The following CSMD3 variants were observed in gnomAD, a reference collection of about 807,000 sequenced individuals.
The protein encoded by CSMD3 is CUB and Sushi multiple domains 3.
In CSMD3, 177 loss-of-function variants were observed where a neutral mutation model predicts 435.2. The ratio of observed to expected loss-of-function variants is 0.41; its 90% CI spans 0.36 to 0.46. The LOEUF (loss-of-function observed/expected upper bound fraction) is 0.46. CSMD3 is among the 20% of genes least tolerant of loss of function. CSMD3 has a pLI of 0.34. For synonymous variants in CSMD3, 1,656 were observed against 1,520.5 expected, an observed-to-expected ratio of 1.09 and a Z score of -2.07; for missense variants, 4,265 against 4,504.6, an observed-to-expected ratio of 0.95 and a Z score of 1.52.
chr8:113,034,846 T>C (rs2087271711), intron 5 of CSMD3, among the ~76,000 whole-genome samples: 1 of 152,058 alleles, frequency 6.6e-6, no homozygotes, highest in African/African-American at 2.4e-5. Flanking sequence ...GGTAGAATAT[T>C]ACATAATTAT....
Position 112,666,381 on chromosome 8 carries a change from T to C in CSMD3, c.2712A>G (p.Gly904=), listed in dbSNP as rs1295699674. Residue 904 remains glycine, a synonymous_variant, in exon 17 of 71, where the codon GGA becomes GGG. Transcript: ENST00000297405. The part of the protein sequence containing the change: ...PCGGHFSAPS[G]VILSPGWPGY... ...CTGGCCATCCTGGTGAGAGAATCAC[T>C]CCACTGGGAGCTGAAAAATGGCCAC... 2 of 1,612,510 alleles carry C rather than the reference T, an allele frequency of 1.2e-6. No homozygotes were observed. The highest frequency in any genetic ancestry group is 2.2e-5 in the East Asian group (1 of 44,802).
chr8:112,611,469 G>A (rs886697387), intron 22 of CSMD3, among the ~76,000 whole-genome samples: 4 of 152,026 alleles, frequency 2.6e-5, no homozygotes, highest in African/African-American at 4.8e-5. Context: ...CTTTAGAGAC[G>A]AGTAGTCCAA....
chr8:113,019,218 C>CTTTTCAGCTTTTTAAACG, intron 5 of CSMD3, 39 bp from the exon 6 acceptor site: 1 of 1,382,144 alleles, frequency 7.2e-7, no homozygotes, highest in Non-Finnish European at 1.0e-6. Context: ...ATTTAAAAAG[C>CTTTTCAGCTTTTTAAACG]TTTTCAGCAG....
intron 3 of CSMD3, among the ~76,000 whole-genome samples, chr8:113,223,788 A>G (rs1238379278): frequency 6.7e-6 from 1 of 148,956 alleles, no homozygotes; most frequent in Non-Finnish European, 1.5e-5. Context: ...GTGTGTCGGT[A>G]AAGTATTCAT....
At chr8:112,837,972 A>G (rs2132516924) in intron 11 of CSMD3, among the ~76,000 whole-genome samples, 1 of 151,898 alleles carries the variant, frequency 6.6e-6, no homozygotes, top group South Asian at 2.1e-4. Context: ...TTCTTCATAT[A>G]CATTCTATAC....
At chr8:113,398,640 C>A (rs1372526670) in intron 1 of CSMD3, among the ~76,000 whole-genome samples, 3 of 152,096 alleles carry the variant, frequency 2.0e-5, no homozygotes, top group Non-Finnish European at 4.4e-5. Context: ...TACTGCTTCA[C>A]TCATTCTGCA....
intron 2 of CSMD3, chr8:113,311,152 A>G (rs2093865426): frequency 6.6e-6 from 1 of 152,076 alleles, no homozygotes; most frequent in African/African-American, 2.4e-5. Context: ...AATGTAAAAT[A>G]AACAAGGCTT....
chr8:112,421,452 G>C (rs1812486521), intron 32 of CSMD3, among the ~76,000 whole-genome samples: 1 of 151,444 alleles, frequency 6.6e-6, no homozygotes, highest in African/African-American at 2.4e-5. Context: ...GCTGAGGCAG[G>C]AGAATTACTG....
At chr8:112,911,781 T>C (rs190689622) in intron 10 of CSMD3, among the ~76,000 whole-genome samples, 2 of 146,192 alleles carry the variant, frequency 1.4e-5, no homozygotes, top group African/African-American at 2.5e-5. Flanking sequence ...GTTATGTATA[T>C]AAAATATAAT....
At chr8:113,274,000 A>G (rs939079904) in intron 3 of CSMD3, among the ~76,000 whole-genome samples, 2 of 152,088 alleles carry the variant, frequency 1.3e-5, no homozygotes, top group East Asian at 1.9e-4. Flanking sequence ...TTAAGAAGCA[A>G]AAGAAATCAT....
chr8:113,240,620 C>A (rs1359023274), intron 3 of CSMD3, among the ~76,000 whole-genome samples: 2 of 152,066 alleles, frequency 1.3e-5, no homozygotes, highest in African/African-American at 4.8e-5. Flanking sequence ...CTTGTTTCTG[C>A]TAATTACCTG....
chr8:113,298,573 T>C (rs2093739698), intron 2 of CSMD3, among the ~76,000 whole-genome samples: 1 of 152,186 alleles, frequency 6.6e-6, no homozygotes, highest in African/African-American at 2.4e-5. Flanking sequence ...CATCATTTAA[T>C]GTAATATCTT....
At position 112,813,077 on chromosome 8, in the gene CSMD3, T is replaced by C. The variant is rs143108154; in HGVS notation, c.1860-12803A>G. Among the ~76,000 whole-genome samples, 2 of 152,256 alleles carry C rather than the reference T, an allele frequency of 1.3e-5. 1 individual carries two copies. The highest frequency in any genetic ancestry group is 3.9e-4 in the East Asian group (2 of 5,164). ...TTGGGCTCATAGAGACATCTAAGTGTTAACGCCTAAGGTTCTTGCCTAGCC... is the reference window on the plus strand; with the variant it reads ...TTGGGCTCATAGAGACATCTAAGTGCTAACGCCTAAGGTTCTTGCCTAGCC... On this transcript the variant is annotated intron_variant, in intron 12 of 70. Transcript: ENST00000297405.
chr8:112,327,773 C>T (rs775225977), intron 45 of CSMD3, among the ~76,000 whole-genome samples: 4 of 152,182 alleles, frequency 2.6e-5, no homozygotes, highest in African/African-American at 7.2e-5. Context: ...TTAAATAGTT[C>T]TCTGTTTTTG....
chr8:112,606,885 C>G lies in CSMD3; in HGVS notation c.3716-19650G>C, dbSNP rs1205213846. On this transcript the variant is annotated intron_variant, in intron 22 of 70. Transcript: ENST00000297405. ...AAACCTTATGGGATGCAGCATTGTCCAAGAGAGAAGTTTTCAGTGATAAAT... is the reference window on the plus strand; with the variant it reads ...AAACCTTATGGGATGCAGCATTGTCGAAGAGAGAAGTTTTCAGTGATAAAT... Among the ~76,000 whole-genome samples, 11 of 136,578 alleles carry G rather than the reference C, an allele frequency of 8.1e-5. No individual in the cohort carries two copies. In the Admixed American group the frequency reaches 8.8e-4, roughly 11 times the overall value. The allele number at this position is 136,578 out of a possible 152,430, so 89.6% of individuals were successfully genotyped here.
chr8:113,151,110 A>G (rs774605116), intron 4 of CSMD3, among the ~76,000 whole-genome samples: 31 of 152,010 alleles, frequency 2.0e-4, no homozygotes, highest in Non-Finnish European at 4.0e-4. Flanking sequence ...AAGTCAGTTG[A>G]AAAGTGAAGT....
intron 9 of CSMD3, among the ~76,000 whole-genome samples, chr8:112,938,563 T>G (rs570578342): frequency 6.2e-4 from 95 of 152,282 alleles, no homozygotes; most frequent in African/African-American, 2.2e-3. Context: ...TGTGCAATAT[T>G]ACACAGCTGA....
chr8:113,018,057 C>T (rs997944198), intron 6 of CSMD3, among the ~76,000 whole-genome samples: 2 of 151,852 alleles, frequency 1.3e-5, no homozygotes, highest in South Asian at 2.1e-4. Flanking sequence ...TGGACTTTGT[C>T]GAAAATCTTG....
At chr8:112,775,881 T>C (rs1430601855) in intron 13 of CSMD3, among the ~76,000 whole-genome samples, 2 of 151,896 alleles carry the variant, frequency 1.3e-5, no homozygotes, top group Non-Finnish European at 2.9e-5. Context: ...TAAAAACTAA[T>C]ACCTTTTATC....
Sources: allele counts gnomAD v4.1 joint callset (sites outside exome capture counted in the v4.1 genomes callset), GRCh38; gene constraint gnomAD v4.1.1; transcripts MANE v1.5; gene names NCBI Gene and HGNC (gene_info 2026-07-23, HGNC 2026-07-21).